The following SPHKAP variants were observed in gnomAD, a reference collection of about 807,000 sequenced individuals.
SPHKAP encodes SPHK1 interactor, AKAP domain containing.
A neutral mutation model predicts 137.5 loss-of-function variants in SPHKAP; 67 were observed. The observed-to-expected ratio is 0.49, with a 90% CI of 0.40 to 0.60. The LOEUF is 0.60. SPHKAP is among the 20% of genes least tolerant of loss of function. SPHKAP has a pLI of 0.00. For missense variants in SPHKAP, 2,097 were observed against 2,069.3 expected (o/e 1.01, Z -0.26); for synonymous variants, 813 against 785.3 (o/e 1.04, Z -0.59).
chr2:228,158,696 T>C (rs904225662), intron 1 of SPHKAP, among the ~76,000 whole-genome samples: 69 of 152,356 alleles, frequency 4.5e-4, no homozygotes, highest in African/African-American at 1.6e-3. Flanking sequence ...CAGATCTTTC[T>C]CTTGAGCTTC....
chr2:228,068,750 TA>T (rs564449059), intron 3 of SPHKAP, among the ~76,000 whole-genome samples: 120 of 152,336 alleles, frequency 7.9e-4, no homozygotes, highest in African/African-American at 2.7e-3. Flanking sequence ...TTTTATTTTC[TA>T]AAGTTAGAGG....
rs539804675 is a variant in SPHKAP at position 228,017,190 on chromosome 2, C to T, written c.3664G>A (p.Gly1222Ser). 9.8e-5 allele frequency: 158 copies of T among 1,613,812 alleles called. No homozygotes were observed. The highest frequency in any genetic ancestry group is 2.5e-4 in the East Asian group (11 of 44,854). ...SRRSSQDWTAGLLSPSLRSPV... is the reference protein window; with the variant it reads ...SRRSSQDWTASLLSPSLRSPV... ...GATCGCAGAGAAGGAGACAGCAGGCCGGCTGTCCAATCCTGGCTGCTCCGT... is the reference window on the plus strand; with the variant it reads ...GATCGCAGAGAAGGAGACAGCAGGCTGGCTGTCCAATCCTGGCTGCTCCGT... Residue 1222 changes from glycine (G) to serine (S), a missense_variant, in exon 7 of 12, where the codon GGC becomes AGC. Transcript: ENST00000392056.
At chr2:228,034,142 TAAAG>T (rs940655186) in intron 3 of SPHKAP, among the ~76,000 whole-genome samples, 18 of 151,692 alleles carry the variant, frequency 1.2e-4, no homozygotes, top group East Asian at 5.8e-4. Context: ...GCAAGACTAA[TAAAG>T]AAGAAAAGAG....
At chr2:228,056,890 G>T (rs1696467157) in intron 3 of SPHKAP, among the ~76,000 whole-genome samples, 1 of 152,174 alleles carries the variant, frequency 6.6e-6, no homozygotes, top group African/African-American at 2.4e-5. Context: ...GAGTAGCCTG[G>T]ATGGTCTCCA....
In SPHKAP at chr2:228,174,344, T is replaced by A. The variant is rs143970063; in HGVS notation, c.32+7223A>T. Among the ~76,000 whole-genome samples, 470 of 151,882 alleles carry A rather than the reference T, an allele frequency of 3.1e-3. 2 individuals carry two copies. Among genetic ancestry groups the A allele is most frequent in the African/African-American group, 0.011 (450 of 41,396 alleles). On this transcript the variant is annotated intron_variant, in intron 1 of 11. Coordinates refer to ENST00000392056, the MANE Select transcript of SPHKAP (RefSeq NM_001142644.2). ...ATATGCTTCAATGACGTTCTCAGAA[T>A]TTGGGGTGAAAAATGTCTGAAATAA...
At chr2:228,147,234 G>A (rs1398525203) in intron 1 of SPHKAP, among the ~76,000 whole-genome samples, 1 of 152,180 alleles carries the variant, frequency 6.6e-6, no homozygotes, top group Non-Finnish European at 1.5e-5. Context: ...AGTTAATAAA[G>A]ATGATCTTTT....
chr2:227,993,390 G>C, intron 9 of SPHKAP, 144 bp downstream of exon 9: 2 of 752,166 alleles, frequency 2.7e-6, no homozygotes, highest in Non-Finnish European at 4.5e-6. Flanking sequence ...TTCTAGGCTT[G>C]AATTCTTCCT....
At chr2:228,007,402 G>A (rs1046212797) in intron 7 of SPHKAP, among the ~76,000 whole-genome samples, 21 of 151,964 alleles carry the variant, frequency 1.4e-4, no homozygotes, top group African/African-American at 5.1e-4. Flanking sequence ...CTGTGCAATA[G>A]AGCACCAGAA....
chr2:228,181,659 C>T lies in SPHKAP; in HGVS notation c.-61G>A. Reference sequence around the variant, plus strand: ...GCAGGCGAAGGATAAGTCTGTGGTGCTAGGACCCAGCTCCCAGAGTGCCAG... The same window carrying T: ...GCAGGCGAAGGATAAGTCTGTGGTGTTAGGACCCAGCTCCCAGAGTGCCAG... On this transcript the variant is annotated 5_prime_UTR_variant, in exon 1 of 12. Transcript: ENST00000392056. The surrounding 1 kb of genome is among the most constrained non-coding windows in gnomAD (Gnocchi z 4.3). The T allele has an allele frequency of 1.2e-6, 2 of 1,614,040 alleles. No homozygotes were observed. Among genetic ancestry groups the T allele is most frequent in the South Asian group, 2.2e-5 (2 of 91,076 alleles).
chr2:227,987,683 G>A (rs1693262112), intron 11 of SPHKAP, among the ~76,000 whole-genome samples: 1 of 138,698 alleles, frequency 7.2e-6, no homozygotes, highest in Admixed American at 7.3e-5. Flanking sequence ...GGAATTAGTG[G>A]TGAGTTGCCT....
intron 7 of SPHKAP, among the ~76,000 whole-genome samples, chr2:228,001,517 G>A (rs868131115): frequency 7.2e-6 from 1 of 138,180 alleles, no homozygotes. Flanking sequence ...GTATATATAA[G>A]AATATATATA....
intron 9 of SPHKAP, chr2:227,991,825 A>G: frequency 2.1e-6 from 1 of 479,374 alleles, no homozygotes; most frequent in Non-Finnish European, 2.7e-6. Flanking sequence ...TGGTTATTTG[A>G]TCTGAAATAA....
intron 1 of SPHKAP, among the ~76,000 whole-genome samples, chr2:228,135,904 A>G (rs1274344670): frequency 6.6e-6 from 1 of 152,172 alleles, no homozygotes; most frequent in Non-Finnish European, 1.5e-5. Context: ...GCCTAATATC[A>G]AAGAAAATGT....
chr2:228,001,190 T>A (rs1693842228), intron 7 of SPHKAP, among the ~76,000 whole-genome samples: 2 of 149,930 alleles, frequency 1.3e-5, no homozygotes, highest in Non-Finnish European at 3.0e-5. Context: ...TTTGGTGAAG[T>A]GTCTCTTCAG....
rs557930025 is a variant in SPHKAP at position 228,000,790 on chromosome 2, T to C, written c.4449-5096A>G. On this transcript the variant is annotated intron_variant, in intron 7 of 11. Transcript: ENST00000392056. ...TACCACAATTTATCCATTTACCTAC[T>C]GAAGAATCCCCTGTTGCTTCTAAGT... Among the ~76,000 whole-genome samples, 96 of 152,292 alleles carry C rather than the reference T, an allele frequency of 6.3e-4. 1 individual carries two copies. The highest frequency in any genetic ancestry group is 2.2e-3 in the African/African-American group (90 of 41,570).
At chr2:228,029,043 G>A (rs549490094) in intron 3 of SPHKAP, among the ~76,000 whole-genome samples, 10 of 152,318 alleles carry the variant, frequency 6.6e-5, no homozygotes, top group African/African-American at 1.2e-4. Flanking sequence ...AAAGTGTAAC[G>A]CTGTCAAGCC....
Position 228,025,494 on chromosome 2 carries a change from A to C in SPHKAP, c.341T>G (p.Leu114Arg), listed in dbSNP as rs1694999515. Residue 114 changes from leucine to arginine, a missense_variant, in exon 5 of 12, where the codon CTT becomes CGT. Transcript: ENST00000392056. Reference sequence around the variant, plus strand: ...TTGTTGGACATTCATGGAACTGATAAGTTTTGGAAGATCTGGTGAAACGTT... The same window carrying C: ...TTGTTGGACATTCATGGAACTGATACGTTTTGGAAGATCTGGTGAAACGTT... The part of the protein sequence containing the change: ...LVNVSPDLPK[L>R]ISSMNVQQPK... The C allele has an allele frequency of 1.2e-6, 2 of 1,613,824 alleles. No homozygotes were observed. The highest frequency in any genetic ancestry group is 1.7e-6 in the Non-Finnish European group (2 of 1,179,920).
chr2:228,056,165 A>G (rs1201971246), intron 3 of SPHKAP, among the ~76,000 whole-genome samples: 1 of 152,202 alleles, frequency 6.6e-6, no homozygotes, highest in Non-Finnish European at 1.5e-5. Flanking sequence ...CATCACCATT[A>G]TCACAATTTA....
Position 227,991,081 on chromosome 2 carries a change from G to A in SPHKAP, c.4878C>T (p.Ala1626=). Residue 1626 remains alanine (A), a synonymous_variant, in exon 11 of 12, where the codon GCC becomes GCT. Coordinates refer to ENST00000392056, the MANE Select transcript of SPHKAP (RefSeq NM_001142644.2). ...EPECPDAELR[A]TLQWIAASEL... The stretch of plus-strand genomic sequence containing the variant: ...CAGAGGCAGCTATCCACTGCAGAGT[G>A]GCTCGGAGCTCGGCATCTGGACACT... The A allele has an allele frequency of 1.2e-6, 2 of 1,614,154 alleles. No individual in the cohort carries two copies. The highest frequency in any genetic ancestry group is 1.7e-6 in the Non-Finnish European group (2 of 1,180,020).
Sources: gnomAD v4.1 joint callset for allele counts (sites outside exome capture counted in the v4.1 genomes callset) on GRCh38, gnomAD v4.1.1 for gene constraint, Gnocchi (gnomAD v3.1) non-coding constraint, MANE v1.5 for transcripts, NCBI Gene and HGNC (gene_info 2026-07-23, HGNC 2026-07-21) for gene names.